Variants in GRAMD1B observed in about 807,000 individuals in gnomAD.
GRAMD1B encodes the protein protein Aster-B.
Under a neutral mutation model 99.7 loss-of-function variants are expected in GRAMD1B, and 37 were observed. That is an observed-to-expected ratio of 0.37 (90% CI 0.29 to 0.49). The LOEUF (loss-of-function observed/expected upper bound fraction) is 0.49. Among genes scored for constraint, GRAMD1B ranks in the 20% least tolerant of loss-of-function variants. The pLI, the probability that GRAMD1B is intolerant of heterozygous loss-of-function variation, is 0.98. For synonymous variants in GRAMD1B, 427 were observed against 387.6 expected (o/e 1.10, Z -1.19); for missense variants, 888 against 1,009.2 (o/e 0.88, Z 1.63).
chr11:123,614,739 C>T lies in GRAMD1B; in HGVS notation c.2228-6C>T, dbSNP rs754992568. The T allele has an allele frequency of 1.3e-6, 2 of 1,596,012 alleles. No homozygotes were observed. The highest frequency in any genetic ancestry group is 2.7e-5 in the African/African-American group (2 of 74,716). On this transcript the variant is annotated splice_polypyrimidine_tract_variant and splice_region_variant and intron_variant, in intron 16 of 19. Transcript: ENST00000635736. ...ATGGTGATGGTCTCTTTAATTCTCC[C>T]CACAGGTTCCACACAGACGCGGCAT...
intron 1 of GRAMD1B, among the ~76,000 whole-genome samples, chr11:123,375,886 G>A (rs138453985): frequency 1.3e-4 from 20 of 152,270 alleles, no homozygotes; most frequent in South Asian, 8.3e-4. Context: ...TTTACTGAGC[G>A]CCTGCTATCT....
chr11:123,367,315 A>T (rs1946352022), intron 1 of GRAMD1B, among the ~76,000 whole-genome samples: 2 of 152,248 alleles, frequency 1.3e-5, no homozygotes, highest in Non-Finnish European at 2.9e-5. Flanking sequence ...AACGTAAAGC[A>T]GAAGAGTCAG....
chr11:123,426,149 T>C (rs1948640498), upstream of GRAMD1B, among the ~76,000 whole-genome samples: 2 of 152,200 alleles, frequency 1.3e-5, no homozygotes, highest in Admixed American at 6.5e-5. Context: ...AGTGAATTGC[T>C]TCTACTTTAA....
Position 123,412,863 on chromosome 11 carries a change from C to T in GRAMD1B, c.-176+54064C>T, listed in dbSNP as rs184068365. On this transcript the variant is annotated intron_variant, in intron 1 of 20. Coordinates refer to the GRAMD1B transcript ENST00000638157. ...GTGGCGCGATCTCGGCTTACTGCAA[C>T]GTCTACCTCCTGGGTTCAAGTGATT... Among the ~76,000 whole-genome samples, 13 of 152,202 alleles carry T rather than the reference C, an allele frequency of 8.5e-5. No homozygotes were observed. In the East Asian group the frequency reaches 1.4e-3, roughly 16 times the overall value.
At chr11:123,386,881 C>T (rs1281851779) in intron 1 of GRAMD1B, among the ~76,000 whole-genome samples, 1 of 152,204 alleles carries the variant, frequency 6.6e-6, no homozygotes, top group African/African-American at 2.4e-5. Context: ...AAATATTTAG[C>T]AAATTCTTCA....
chr11:123,438,526 A>T (rs923841628), intron 1 of GRAMD1B, among the ~76,000 whole-genome samples: 2 of 152,166 alleles, frequency 1.3e-5, no homozygotes, highest in African/African-American at 4.8e-5. Flanking sequence ...CTCCGTGAGA[A>T]TCAGCTAGCG....
chr11:123,468,406 C>T (rs1950813342), intron 1 of GRAMD1B, among the ~76,000 whole-genome samples: 1 of 152,084 alleles, frequency 6.6e-6, no homozygotes, highest in Admixed American at 6.6e-5. Context: ...CACAATGGGA[C>T]CATCGCTCTC....
At chr11:123,502,774 C>CAAAAAAA (rs34321315) in intron 2 of GRAMD1B, among the ~76,000 whole-genome samples, 5 of 98,492 alleles carry the variant, frequency 5.1e-5, no homozygotes, top group Non-Finnish European at 6.1e-5. Context: ...GACTCCATCT[C>CAAAAAAA]AAAAAAAAAA....
At chr11:123,425,334 C>T (rs1948610547), upstream of GRAMD1B, among the ~76,000 whole-genome samples, 1 of 152,124 alleles carries the variant, frequency 6.6e-6, no homozygotes, top group Non-Finnish European at 1.5e-5. Context: ...GGATGGGCAG[C>T]CAAGGACAGG....
At chr11:123,372,275 C>G (rs536883814) in intron 1 of GRAMD1B, among the ~76,000 whole-genome samples, 1 of 152,306 alleles carries the variant, frequency 6.6e-6, no homozygotes, top group South Asian at 2.1e-4. Flanking sequence ...ATAAGAAATA[C>G]TAATAATTAG....
At position 123,598,848 on chromosome 11, in the gene GRAMD1B, G is replaced by A. The variant is rs191611452; in HGVS notation, c.970-1620G>A. On this transcript the variant is annotated intron_variant, in intron 7 of 19. Transcript: ENST00000635736. ...AGAAAGTTCATTCTGATCTTGGAGA[G>A]GCTTCACTCTATCTGTGTAATCCTG... The A allele has an allele frequency of 5.6e-5, 77 of 1,369,472 alleles. No individual in the cohort carries two copies. The East Asian group carries it at 9.8e-4, about 17-fold the overall frequency. The allele number at this position is 1,369,472 out of a possible 1,614,324, so 84.8% of individuals were successfully genotyped here.
chr11:123,564,696 G>A (rs1947155958), intron 2 of GRAMD1B, among the ~76,000 whole-genome samples: 1 of 152,238 alleles, frequency 6.6e-6, no homozygotes, highest in South Asian at 2.1e-4. Flanking sequence ...TGTTTGATGG[G>A]TGGATGGATG....
In GRAMD1B at chr11:123,430,868, G is replaced by A. The variant is rs1311995070; in HGVS notation, c.76G>A (p.Gly26Ser). The A allele has an allele frequency of 1.4e-6, 1 of 702,106 alleles. No individual in the cohort carries two copies. The allele number at this position is 702,106 out of a possible 1,614,324, so 43.5% of individuals were successfully genotyped here. Residue 26 changes from glycine (G) to serine (S), a missense_variant, in exon 1 of 20, where the codon GGC becomes AGC. Coordinates refer to ENST00000635736, the MANE Select transcript of GRAMD1B (RefSeq NM_001387025.1). ...QVPEPQGAPE[G>S]SPVWSSSSTP... Reference sequence around the variant, plus strand: ...GCCCGAGCCGCAGGGTGCGCCCGAGGGCAGCCCGGTCTGGTCCAGTTCGTC... The same window carrying A: ...GCCCGAGCCGCAGGGTGCGCCCGAGAGCAGCCCGGTCTGGTCCAGTTCGTC...
At chr11:123,369,900 A>G (rs1298762391) in intron 1 of GRAMD1B, among the ~76,000 whole-genome samples, 1 of 150,850 alleles carries the variant, frequency 6.6e-6, no homozygotes, top group Admixed American at 6.6e-5. Flanking sequence ...AGGAAAAAGA[A>G]AAAAAAAATC....
intron 2 of GRAMD1B, among the ~76,000 whole-genome samples, chr11:123,563,078 G>A (rs1946954628): frequency 6.6e-6 from 1 of 152,198 alleles, no homozygotes. Flanking sequence ...CGCTGGCTGA[G>A]GGAGCCATCG....
At chr11:123,494,363 C>T (rs527937964) in intron 2 of GRAMD1B, among the ~76,000 whole-genome samples, 1 of 151,976 alleles carries the variant, frequency 6.6e-6, no homozygotes, top group African/African-American at 2.4e-5. Flanking sequence ...TTCTCTGATC[C>T]ACCTGCACAT....
At chr11:123,479,509 C>T (rs943674792) in intron 1 of GRAMD1B, among the ~76,000 whole-genome samples, 2 of 152,032 alleles carry the variant, frequency 1.3e-5, no homozygotes, top group African/African-American at 4.8e-5. Context: ...TATGTGGTAG[C>T]CTTGGTTATA....
At chr11:123,476,665 G>A (rs1183545173) in intron 1 of GRAMD1B, among the ~76,000 whole-genome samples, 1 of 152,216 alleles carries the variant, frequency 6.6e-6, no homozygotes, top group Non-Finnish European at 1.5e-5. Context: ...ATATTTGTAT[G>A]TCTTAGACTG....
At chr11:123,409,575 C>T (rs944036340) in intron 1 of GRAMD1B, among the ~76,000 whole-genome samples, 5 of 152,102 alleles carry the variant, frequency 3.3e-5, no homozygotes, top group African/African-American at 4.8e-5. Flanking sequence ...GTCAATTATT[C>T]GTCTTTGGTT....
Sources: allele counts gnomAD v4.1 joint callset (sites outside exome capture counted in the v4.1 genomes callset), GRCh38; gene constraint gnomAD v4.1.1; transcripts MANE v1.5; gene names NCBI Gene and HGNC (gene_info 2026-07-23, HGNC 2026-07-21).